The following DOCK10 variants were observed in gnomAD, a reference collection of about 807,000 sequenced individuals.
DOCK10 encodes the protein dedicator of cytokinesis protein 10.
In DOCK10, 145 loss-of-function variants were observed where a neutral mutation model predicts 280.1. The observed-to-expected ratio is 0.52, with a 90% CI of 0.45 to 0.59. The LOEUF (loss-of-function observed/expected upper bound fraction) is 0.59. DOCK10 is among the 20% of genes least tolerant of loss of function. The pLI is 0.00. For synonymous variants in DOCK10, 915 were observed against 942.2 expected (o/e 0.97, Z 0.53); for missense variants, 2,368 against 2,651.7 (o/e 0.89, Z 2.35).
chr2:225,023,180 C>T (rs369787734), intron 1 of DOCK10, among the ~76,000 whole-genome samples: 4 of 152,102 alleles, frequency 2.6e-5, no homozygotes, highest in Non-Finnish European at 5.9e-5. Flanking sequence ...GAATTACAGG[C>T]GCCCACCACC....
rs1705721117 is a variant in DOCK10 at position 224,981,022 on chromosome 2, A to G, written c.124-49354T>C. On this transcript the variant is annotated intron_variant, in intron 1 of 55. Coordinates refer to ENST00000258390, the MANE Select transcript of DOCK10 (RefSeq NM_014689.3). ...GAAAAATAAGACTTACTGGTATAGC[A>G]TGAGCACTACACATAGTTAAAGAGT... 2.0e-5 allele frequency among the ~76,000 whole-genome samples: 3 copies of G among 152,256 alleles called. No individual in the cohort carries two copies. In the South Asian group the frequency reaches 6.2e-4, roughly 32 times the overall value.
At chr2:224,943,347 G>GA (rs66619912) in intron 1 of DOCK10, among the ~76,000 whole-genome samples, 34,873 of 151,962 alleles carry the variant, frequency 0.23, 4,511 homozygotes, top group Non-Finnish European at 0.28. Context: ...AATAGCATTT[G>GA]AAAAAAACCC....
chr2:224,890,735 T>C (rs1001022777), intron 4 of DOCK10, among the ~76,000 whole-genome samples: 9 of 152,118 alleles, frequency 5.9e-5, no homozygotes, highest in African/African-American at 1.9e-4. Context: ...AGAGCACTGA[T>C]TGTCTCTTGG....
intron 1 of DOCK10, among the ~76,000 whole-genome samples, chr2:225,023,550 T>TC (rs1689839357): frequency 1.3e-5 from 2 of 152,202 alleles, no homozygotes. Context: ...TCAAAAAGTC[T>TC]GACAAGTTTA....
intron 1 of DOCK10, among the ~76,000 whole-genome samples, chr2:224,998,075 T>G (rs1205272476): frequency 6.6e-6 from 1 of 152,176 alleles, no homozygotes; most frequent in African/African-American, 2.4e-5. Flanking sequence ...TCTCAGTGAC[T>G]CAGGAACACA....
At chr2:224,973,600 C>T (rs1448685895) in intron 1 of DOCK10, among the ~76,000 whole-genome samples, 1 of 151,994 alleles carries the variant, frequency 6.6e-6, no homozygotes, top group Non-Finnish European at 1.5e-5. Context: ...AATTTTAGCC[C>T]AGTGAGATCC....
At chr2:224,777,046 G>A (rs1378628916) in intron 51 of DOCK10, among the ~76,000 whole-genome samples, 1 of 152,214 alleles carries the variant, frequency 6.6e-6, no homozygotes, top group Non-Finnish European at 1.5e-5. Context: ...AAGACCCTGT[G>A]CGCCTCATCT....
At chr2:225,007,126 A>G (rs1689297271) in intron 1 of DOCK10, among the ~76,000 whole-genome samples, 1 of 152,238 alleles carries the variant, frequency 6.6e-6, no homozygotes, top group East Asian at 1.9e-4. Flanking sequence ...AGCTCTTACG[A>G]AAGAAAAAGG....
At chr2:224,962,871 T>C (rs1192819023) in intron 1 of DOCK10, among the ~76,000 whole-genome samples, 3 of 152,186 alleles carry the variant, frequency 2.0e-5, no homozygotes, top group Admixed American at 2.0e-4. Flanking sequence ...TAAAAGAGAA[T>C]AACAATTAGG....
Position 224,777,167 on chromosome 2 carries a change from C to T in DOCK10, c.5802+971G>A, listed in dbSNP as rs534837937. The stretch of plus-strand genomic sequence containing the variant: ...AAAAGAAGAGGTAAGTATTTGCTTT[C>T]TGGAGCCAAGAGGAAGGTAACTGAA... On this transcript the variant is annotated intron_variant, in intron 51 of 55. Transcript: ENST00000258390. 3.3e-5 allele frequency among the ~76,000 whole-genome samples: 5 copies of T among 152,320 alleles called. No individual in the cohort carries two copies. In the South Asian group the frequency reaches 1.0e-3, roughly 32 times the overall value.
At position 225,017,705 on chromosome 2, in the gene DOCK10, C is replaced by A. The variant is rs1416105014; in HGVS notation, c.123+24547G>T. Among the ~76,000 whole-genome samples, 120 of 126,692 alleles carry A rather than the reference C, an allele frequency of 9.5e-4. 1 individual carries two copies. Among genetic ancestry groups the A allele is most frequent in the Middle Eastern group, 4.0e-3 (1 of 250 alleles). 83.1% of individuals were successfully genotyped at this position (126,692 alleles called of 152,430 possible). A position where few individuals can be genotyped will look rare whatever the true frequency, so the allele number is the denominator to read the frequency against. On this transcript the variant is annotated intron_variant, in intron 1 of 55. Coordinates refer to ENST00000258390, the MANE Select transcript of DOCK10 (RefSeq NM_014689.3). ...ATAACTGAAGATATGCCTACTGTTC[C>A]AAAAAAAAAAAAAAAGCAAAAAGGA... is the stretch of plus-strand genomic sequence containing the variant.
At chr2:224,788,092 TA>T (rs35501042) in intron 48 of DOCK10, among the ~76,000 whole-genome samples, 35 of 149,136 alleles carry the variant, frequency 2.3e-4, no homozygotes, top group African/African-American at 5.7e-4. Context: ...CACTTCCATG[TA>T]AAAAAAAAAG....
chr2:224,778,026 G>A lies in DOCK10; in HGVS notation c.5802+112C>T, dbSNP rs557300379. On this transcript the variant is annotated intron_variant, in intron 51 of 55. Transcript: ENST00000258390. Reference sequence around the variant, plus strand: ...GCAAACAAGCAAAACATCTAAAATCGTTTTTGTAGTTTACTTTGCATCGTC... The same window carrying A: ...GCAAACAAGCAAAACATCTAAAATCATTTTTGTAGTTTACTTTGCATCGTC... 372 of 1,108,762 alleles carry A rather than the reference G, an allele frequency of 3.4e-4. 6 individuals carry two copies. Among genetic ancestry groups the A allele is most frequent in the Admixed American group, 7.2e-4 (26 of 36,214 alleles). 68.7% of individuals were successfully genotyped at this position (1,108,762 alleles called of 1,614,324 possible).
intron 4 of DOCK10, among the ~76,000 whole-genome samples, chr2:224,889,966 G>A (rs1377487724): frequency 3.9e-5 from 6 of 152,168 alleles, no homozygotes; most frequent in Admixed American, 1.3e-4. Flanking sequence ...GAAGATGAGT[G>A]TTCCAGGATT....
chr2:224,854,814 T>C lies in DOCK10; in HGVS notation c.1888+149A>G. ...CATGAATTCCATATATTTCAACTTTTGGGAAAAAAAAAACCCAAAACCTTG... is the reference window on the plus strand; with the variant it reads ...CATGAATTCCATATATTTCAACTTTCGGGAAAAAAAAAACCCAAAACCTTG... On this transcript the variant is annotated intron_variant, in intron 16 of 55. Coordinates refer to ENST00000258390, the MANE Select transcript of DOCK10 (RefSeq NM_014689.3). 1.9e-5 allele frequency: 11 copies of C among 573,534 alleles called. No homozygotes were observed. The South Asian group carries it at 2.2e-4, about 12-fold the overall frequency. 35.5% of individuals were successfully genotyped at this position (573,534 alleles called of 1,614,324 possible).
In DOCK10 at chr2:225,035,606, ATTGTGTGTTGTATTAGT is replaced by A. The variant is rs1410143948; in HGVS notation, c.123+6629_123+6645del. 1.5e-3 allele frequency among the ~76,000 whole-genome samples: 157 copies of A among 102,240 alleles called. 3 individuals carry two copies. Among genetic ancestry groups the A allele is most frequent in the African/African-American group, 5.8e-3 (150 of 25,976 alleles). 67.1% of individuals were successfully genotyped at this position (102,240 alleles called of 152,430 possible). The stretch of plus-strand genomic sequence containing the variant: ...TATATATAACACTGAATCAGTGTTA[ATTGTGTGTTGTATTAGT>A]CAGTGCGGGCTGCCATAATAACCAA... On this transcript the variant is annotated intron_variant, in intron 1 of 55. Transcript: ENST00000258390.
chr2:224,961,344 T>C (rs574668562), intron 1 of DOCK10, among the ~76,000 whole-genome samples: 55 of 152,314 alleles, frequency 3.6e-4, no homozygotes, highest in Non-Finnish European at 6.0e-4. Flanking sequence ...CACAACTCTC[T>C]CTCCAGTCTG....
chr2:224,963,151 C>T (rs1164823013), intron 1 of DOCK10, among the ~76,000 whole-genome samples: 1 of 152,156 alleles, frequency 6.6e-6, no homozygotes, highest in African/African-American at 2.4e-5. Context: ...CCGATTTGAG[C>T]CATTGTCTAG....
At chr2:224,801,440 C>T (rs886377676) in intron 40 of DOCK10, among the ~76,000 whole-genome samples, 2 of 152,050 alleles carry the variant, frequency 1.3e-5, no homozygotes, top group Admixed American at 6.6e-5. Context: ...ACTTTCCAGG[C>T]CCCTGAAGAA....
Sources: allele counts gnomAD v4.1 joint callset (sites outside exome capture counted in the v4.1 genomes callset), GRCh38; gene constraint gnomAD v4.1.1; transcripts MANE v1.5; gene names NCBI Gene and HGNC (gene_info 2026-07-23, HGNC 2026-07-21).